The following CNGB3 variants were observed in gnomAD, a reference collection of about 807,000 sequenced individuals.
CNGB3 encodes cyclic nucleotide gated channel subunit beta 3, also known as cyclic nucleotide-gated channel beta-3.
In CNGB3, 86 loss-of-function variants were observed where a neutral mutation model predicts 92.8. The ratio of observed to expected loss-of-function variants is 0.93; its 90% CI spans 0.78 to 1.11. The LOEUF is 1.11. CNGB3 is among the 50% of genes least tolerant of loss of function. The probability of loss-of-function intolerance (pLI) is 0.00; values close to 1 mark genes in which losing one functional copy is unlikely to be tolerated. For synonymous variants in CNGB3, 333 were observed against 332.7 expected, an observed-to-expected ratio of 1.00 and a Z score of -0.01; for missense variants, 1,026 against 956.8, an observed-to-expected ratio of 1.07 and a Z score of -0.95.
At chr8:86,662,960 G>A (rs193124338) in intron 6 of CNGB3, among the ~76,000 whole-genome samples, 95 of 152,276 alleles carry the variant, frequency 6.2e-4, no homozygotes, top group African/African-American at 1.8e-3. Flanking sequence ...TTCAATAAAA[G>A]GGTAAGTTTA....
At chr8:86,670,281 G>A (rs547683106) in intron 4 of CNGB3, among the ~76,000 whole-genome samples, 3 of 152,226 alleles carry the variant, frequency 2.0e-5, no homozygotes, top group Admixed American at 2.0e-4. Flanking sequence ...TTTATAATAT[G>A]TACTTTGCAT....
chr8:86,742,899 C>T (rs954257917), intron 1 of CNGB3, among the ~76,000 whole-genome samples: 1 of 152,098 alleles, frequency 6.6e-6, no homozygotes, highest in African/African-American at 2.4e-5. Flanking sequence ...TTTAAAGTTC[C>T]TCCACCTTGG....
At chr8:86,739,620 G>GTTTTTTTTTTTTTTTTTTTTTTTTTGT in intron 2 of CNGB3, 35 bp downstream of exon 2, 3 of 1,488,506 alleles carry the variant, frequency 2.0e-6, no homozygotes, top group East Asian at 2.4e-5. Flanking sequence ...TCACTTTTTA[G>GTTTTTTTTTTTTTTTTTTTTTTTTTGT]TTTTTTTTTT....
rs1330570718 is a variant in CNGB3, at chr8:86,670,927, G to A, written c.493+17C>T. 2 of 1,612,032 alleles carry A rather than the reference G, an allele frequency of 1.2e-6. No homozygotes were observed. The highest frequency in any genetic ancestry group is 1.7e-6 in the Non-Finnish European group (2 of 1,179,900). Reference sequence around the variant, plus strand: ...AGCACTTCTTTCTTCCCAGTACTTGGAGGGAGCAATGCTTACCAGTTTGTG... The same window carrying A: ...AGCACTTCTTTCTTCCCAGTACTTGAAGGGAGCAATGCTTACCAGTTTGTG... On this transcript the variant is annotated intron_variant, in intron 4 of 17. Transcript: ENST00000320005.
Position 86,711,919 on chromosome 8 carries a change from A to G in CNGB3, c.338+14612T>C, listed in dbSNP as rs80258063. The stretch of plus-strand genomic sequence containing the variant: ...ACTTATATATGTACTATGAGTAATT[A>G]CTTTTTTTGAAGTAAGGCCAGACTT... On this transcript the variant is annotated intron_variant, in intron 3 of 17. Transcript: ENST00000320005. Among the ~76,000 whole-genome samples, 1,493 of 151,374 alleles carry G rather than the reference A, an allele frequency of 9.9e-3. 27 individuals carry two copies. Among genetic ancestry groups the G allele is most frequent in the African/African-American group, 0.034 (1,400 of 41,318 alleles).
intron 7 of CNGB3, among the ~76,000 whole-genome samples, chr8:86,649,946 C>A (rs1448870896): frequency 6.6e-6 from 1 of 151,146 alleles, no homozygotes; most frequent in Non-Finnish European, 1.5e-5. Flanking sequence ...AACAAATCAG[C>A]AAGAAAAAAA....
rs185353767 is a variant in CNGB3, at chr8:86,679,502, T to C, written c.339-8404A>G. ...TCTGATAGGATTGATAGGATTGGTG[T>C]CCTTTTTCTTTCTTTCTTTCTTTTT... On this transcript the variant is annotated intron_variant, in intron 3 of 17. Transcript: ENST00000320005. 2.3e-4 allele frequency among the ~76,000 whole-genome samples: 34 copies of C among 149,988 alleles called. No individual in the cohort carries two copies. The East Asian group carries it at 6.3e-3, about 28-fold the overall frequency.
intron 14 of CNGB3, among the ~76,000 whole-genome samples, chr8:86,611,193 G>A (rs1479368813): frequency 1.3e-5 from 2 of 152,206 alleles, no homozygotes; most frequent in Middle Eastern, 6.8e-3. Context: ...ATGTGGCATT[G>A]ATTATTCACT....
intron 10 of CNGB3, among the ~76,000 whole-genome samples, chr8:86,634,674 AC>A (rs1303853510): frequency 1.3e-5 from 2 of 151,706 alleles, no homozygotes; most frequent in Non-Finnish European, 2.9e-5. Flanking sequence ...TCTTGTACAG[AC>A]ACAGAAAAGG....
intron 1 of CNGB3, among the ~76,000 whole-genome samples, chr8:86,740,896 C>T (rs1825329174): frequency 6.6e-6 from 1 of 152,110 alleles, no homozygotes. Flanking sequence ...AGCCTTCTGA[C>T]TTCAATCAAG....
At chr8:86,579,323 A>G in intron 15 of CNGB3, 71 bp from the exon 16 acceptor site, 1 of 1,536,084 alleles carries the variant, frequency 6.5e-7, no homozygotes, top group Non-Finnish European at 9.0e-7. Context: ...TTAAAAAAAT[A>G]GCAACTATTA....
chr8:86,632,867 A>G lies in CNGB3; in HGVS notation c.1205T>C (p.Val402Ala), dbSNP rs1563734091. The G allele has an allele frequency of 6.2e-7, 1 of 1,612,704 alleles. No homozygotes were observed. Among genetic ancestry groups the G allele is most frequent in the East Asian group, 2.2e-5 (1 of 44,800 alleles). Residue 402 changes from valine to alanine, a missense_variant, in exon 11 of 18, where the codon GTT becomes GCT. By Grantham distance (64) the Val-to-Ala change is moderately conservative. Coordinates refer to ENST00000320005, the MANE Select transcript of CNGB3 (RefSeq NM_019098.5). ...NEYLRCYYWAVRTLITIGGLP... is the reference protein window; with the variant it reads ...NEYLRCYYWAARTLITIGGLP... ...GCCACCAATGGTAATTAAAGTTCGA[A>G]CTGCCCAATAATAACATCTCAGATA... is the stretch of plus-strand genomic sequence containing the variant.
At chr8:86,714,557 G>A (rs1824812672) in intron 3 of CNGB3, among the ~76,000 whole-genome samples, 1 of 152,162 alleles carries the variant, frequency 6.6e-6, no homozygotes, top group Admixed American at 6.6e-5. Flanking sequence ...CTCCTGCTAG[G>A]ACAGACAGAA....
chr8:86,647,808 A>G lies in CNGB3; in HGVS notation c.983T>C (p.Met328Thr). ...TAAATATAGTTATCTTACCTTTAAC[A>G]TCCTATTTGCTCTAAACATTGGATT... is the stretch of plus-strand genomic sequence containing the variant. ...GFNPMFRANR[M>T]LKYTSFFEFN... Residue 328 changes from methionine to threonine, a missense_variant, in exon 8 of 18, where the codon ATG becomes ACG. Met to Thr is a moderately conservative substitution (Grantham distance 81). Transcript: ENST00000320005. The G allele has an allele frequency of 2.7e-6, 4 of 1,496,522 alleles. No homozygotes were observed. Among genetic ancestry groups the G allele is most frequent in the African/African-American group, 1.4e-5 (1 of 72,500 alleles). The allele number at this position is 1,496,522 out of a possible 1,614,324, so 92.7% of individuals were successfully genotyped here.
chr8:86,717,075 T>C (rs2131663849), intron 3 of CNGB3, among the ~76,000 whole-genome samples: 1 of 152,214 alleles, frequency 6.6e-6, no homozygotes, highest in Middle Eastern at 3.4e-3. Context: ...GCTATTCTTA[T>C]ATCAGACAAA....
chr8:86,621,606 C>G, intron 13 of CNGB3, among the ~76,000 whole-genome samples: 1 of 152,030 alleles, frequency 6.6e-6, no homozygotes, highest in South Asian at 2.1e-4. Context: ...TACACTATAC[C>G]CATTGTGTAG....
intron 6 of CNGB3, chr8:86,661,739 A>G: frequency 6.4e-7 from 1 of 1,573,462 alleles, no homozygotes; most frequent in African/African-American, 1.4e-5. Context: ...TTGATCTAGC[A>G]TCTCAAACAT....
intron 13 of CNGB3, among the ~76,000 whole-genome samples, chr8:86,615,302 A>G (rs57039200): frequency 0.33 from 50,280 of 152,068 alleles, 9,438 homozygotes; most frequent in African/African-American, 0.51. Flanking sequence ...ATCACAAAGT[A>G]GTTAAAATAA....
chr8:86,588,922 C>T (rs1243021830), intron 15 of CNGB3, among the ~76,000 whole-genome samples: 1 of 151,644 alleles, frequency 6.6e-6, no homozygotes, highest in Non-Finnish European at 1.5e-5. Context: ...GGTACCAGTT[C>T]CTCCTTGTAC....
Sources: allele counts gnomAD v4.1 joint callset (sites outside exome capture counted in the v4.1 genomes callset), GRCh38; gene constraint gnomAD v4.1.1; transcripts MANE v1.5; gene names NCBI Gene and HGNC (gene_info 2026-07-23, HGNC 2026-07-21).